DNMT3B: variants seen among roughly 807,000 people sequenced by gnomAD.
DNMT3B encodes the protein DNA (cytosine-5)-methyltransferase 3B.
In DNMT3B, 37 loss-of-function variants were observed where a neutral mutation model predicts 120.2. The observed-to-expected ratio is 0.31, with a 90% CI of 0.24 to 0.40. DNMT3B has a LOEUF of 0.40. DNMT3B is among the 10% of genes least tolerant of loss of function. The probability of loss-of-function intolerance (pLI) is 1.00; values close to 1 mark genes in which losing one functional copy is unlikely to be tolerated. For missense variants in DNMT3B, 878 were observed against 1,137.3 expected (o/e 0.77, Z 3.28); for synonymous variants, 412 against 442.8 (o/e 0.93, Z 0.87).
intron 7 of DNMT3B, among the ~76,000 whole-genome samples, chr20:32,790,471 G>T (rs889033546): frequency 6.6e-6 from 1 of 152,184 alleles, no homozygotes; most frequent in South Asian, 2.1e-4. Context: ...GCATGTGTAC[G>T]CTGTTTGGGT....
At chr20:32,775,300 C>T (rs1189982145) in intron 1 of DNMT3B, among the ~76,000 whole-genome samples, 2 of 152,226 alleles carry the variant, frequency 1.3e-5, no homozygotes, top group South Asian at 2.1e-4. Flanking sequence ...AGTGACCCCC[C>T]TTCCTGCATT....
intron 1 of DNMT3B, among the ~76,000 whole-genome samples, chr20:32,773,714 G>GTGA (rs1317731905): frequency 6.6e-6 from 1 of 151,700 alleles, no homozygotes; most frequent in Non-Finnish European, 1.5e-5. Context: ...CGAGGCTTAG[G>GTGA]TGATCATTCC....
chr20:32,770,299 T>C (rs1486851031), intron 1 of DNMT3B, among the ~76,000 whole-genome samples: 1 of 151,980 alleles, frequency 6.6e-6, no homozygotes, highest in East Asian at 1.9e-4. Context: ...TTTTTTTTTT[T>C]TTCTGAGGCA....
intron 3 of DNMT3B, among the ~76,000 whole-genome samples, chr20:32,782,823 A>T (rs565137097): frequency 6.6e-6 from 1 of 152,284 alleles, no homozygotes; most frequent in South Asian, 2.1e-4. Flanking sequence ...AGGGGAGACT[A>T]CTGTATAGCA....
chr20:32,791,740 C>T, intron 8 of DNMT3B, 32 bp downstream of exon 8: 8 of 1,610,126 alleles, frequency 5.0e-6, no homozygotes, highest in Non-Finnish European at 6.8e-6. Flanking sequence ...AGGGCTAAGC[C>T]CTGAGAGCAG....
At chr20:32,784,624 C>T (rs1245569614) in intron 3 of DNMT3B, 134 bp from the exon 4 acceptor site, 1 of 896,792 alleles carries the variant, frequency 1.1e-6, no homozygotes, top group Non-Finnish European at 1.8e-6. Flanking sequence ...CACCCATATG[C>T]AGTGTGTTGT....
chr20:32,777,646 T>A (rs759593142), intron 1 of DNMT3B, among the ~76,000 whole-genome samples: 1 of 152,110 alleles, frequency 6.6e-6, no homozygotes, highest in Non-Finnish European at 1.5e-5. Flanking sequence ...CACCTCCCAC[T>A]CTATGCCAGG....
intron 1 of DNMT3B, among the ~76,000 whole-genome samples, chr20:32,771,807 A>G (rs934907776): frequency 6.6e-6 from 1 of 152,188 alleles, no homozygotes; most frequent in African/African-American, 2.4e-5. Flanking sequence ...CATACCATAT[A>G]CAAATAATCA....
chr20:32,797,669 T>TC (rs1275040619), intron 14 of DNMT3B, among the ~76,000 whole-genome samples: 1 of 151,548 alleles, frequency 6.6e-6, no homozygotes, highest in Non-Finnish European at 1.5e-5. Context: ...GTTATTCTTT[T>TC]TTTTTTTTGA....
intron 18 of DNMT3B, among the ~76,000 whole-genome samples, 152 bp from the exon 19 acceptor site, chr20:32,801,125 CT>C: frequency 6.6e-6 from 1 of 152,328 alleles, no homozygotes; most frequent in Non-Finnish European, 1.5e-5. Context: ...CTGCTGCTGC[CT>C]GTGTCCCTGC....
chr20:32,767,600 T>C (rs1987464377), intron 1 of DNMT3B, among the ~76,000 whole-genome samples: 1 of 152,132 alleles, frequency 6.6e-6, no homozygotes, highest in South Asian at 2.1e-4. Context: ...GCCCATCTAA[T>C]TTTTAAAATT....
Position 32,780,315 on chromosome 20 carries a change from C to T in DNMT3B, c.-6-3C>T. The T allele has an allele frequency of 1.9e-6, 3 of 1,613,936 alleles. No homozygotes were observed. Among genetic ancestry groups the T allele is most frequent in the Non-Finnish European group, 2.5e-6 (3 of 1,180,018 alleles). ...ACCCCACCCATTCTGGCTTCTCCCA[C>T]AGGAAAGCATGAAGGGAGACACCAG... On this transcript the variant is annotated splice_polypyrimidine_tract_variant and splice_region_variant and intron_variant, in intron 1 of 22. Coordinates refer to ENST00000328111, the MANE Select transcript of DNMT3B (RefSeq NM_006892.4).
intron 9 of DNMT3B, 147 bp from the exon 10 acceptor site, chr20:32,793,389 G>C (rs1274184490): frequency 1.1e-6 from 1 of 889,858 alleles, no homozygotes; most frequent in Non-Finnish European, 1.8e-6. Context: ...ATTGGCTTGA[G>C]CCCAGGAGGC....
chr20:32,766,076 G>C (rs192002152), intron 1 of DNMT3B, among the ~76,000 whole-genome samples: 80 of 152,250 alleles, frequency 5.3e-4, no homozygotes, highest in African/African-American at 1.7e-3. Flanking sequence ...TATGGGTGCT[G>C]CCTCACACCC....
Position 32,801,070 on chromosome 20 carries a change from A to G in DNMT3B, c.1996+145A>G, listed in dbSNP as rs1981279041. The G allele has an allele frequency of 1.2e-5, 15 of 1,238,226 alleles. No individual in the cohort carries two copies. The East Asian group carries it at 3.3e-4, about 28-fold the overall frequency. The allele number at this position is 1,238,226 out of a possible 1,614,324, so 76.7% of individuals were successfully genotyped here. On this transcript the variant is annotated intron_variant, in intron 18 of 22. Coordinates refer to ENST00000328111, the MANE Select transcript of DNMT3B (RefSeq NM_006892.4). ...CCTGTTGGTGCTGCCTACGCTCCAT[A>G]GTAAATCCTCAGCCCACAAGGGAAA...
chr20:32,780,243 C>T (rs1978426732), intron 1 of DNMT3B, 75 bp from the exon 2 acceptor site: 3 of 1,613,106 alleles, frequency 1.9e-6, no homozygotes, highest in South Asian at 2.2e-5. Flanking sequence ...GAACACAGAG[C>T]CCATGGCGGG....
intron 1 of DNMT3B, among the ~76,000 whole-genome samples, chr20:32,778,474 G>C (rs1361408555): frequency 1.3e-5 from 2 of 152,194 alleles, no homozygotes; most frequent in African/African-American, 2.4e-5. Flanking sequence ...TCAGTTCATG[G>C]TACTGTAGCC....
chr20:32,802,661 A>T (rs1241255519), intron 20 of DNMT3B, among the ~76,000 whole-genome samples, 191 bp downstream of exon 20: 1 of 152,044 alleles, frequency 6.6e-6, no homozygotes, highest in Non-Finnish European at 1.5e-5. Context: ...TCTCTGTAGG[A>T]GTCCCACTCT....
Position 32,762,569 on chromosome 20 carries a change from A to G in DNMT3B, c.-137A>G. ...GCGCTGGGGTTAAGTGGCCCAAGTA[A>G]ACCTAGCTCGGCGATCGGCGCCGGA... On this transcript the variant is annotated 5_prime_UTR_variant, in exon 1 of 23. Coordinates refer to ENST00000328111, the MANE Select transcript of DNMT3B (RefSeq NM_006892.4). The G allele has an allele frequency of 2.8e-6, 1 of 352,460 alleles. No individual in the cohort carries two copies. The highest frequency in any genetic ancestry group is 2.1e-5 in the South Asian group (1 of 47,560). The allele number at this position is 352,460 out of a possible 1,614,324, so 21.8% of individuals were successfully genotyped here.
Sources: gnomAD v4.1 joint callset for allele counts (sites outside exome capture counted in the v4.1 genomes callset) on GRCh38, gnomAD v4.1.1 for gene constraint, MANE v1.5 for transcripts, NCBI Gene and HGNC (gene_info 2026-07-23, HGNC 2026-07-21) for gene names.